Variants in LRFN2 observed in about 807,000 individuals in gnomAD.
LRFN2 encodes the protein leucine rich repeat and fibronectin type III domain containing 2.
LRFN2 carries 18 observed loss-of-function variants against 37.3 expected under a neutral mutation model. The ratio of observed to expected loss-of-function variants is 0.48; its 90% CI spans 0.33 to 0.72. The LOEUF (loss-of-function observed/expected upper bound fraction) is 0.72, where lower values mean the gene tolerates loss of function less well. Ranked by LOEUF, LRFN2 falls within the 30% of genes least tolerant of loss-of-function variation. The probability of loss-of-function intolerance (pLI) is 0.02; values close to 1 mark genes in which losing one functional copy is unlikely to be tolerated. For missense variants in LRFN2, 1,006 were observed against 1,060.7 expected, an observed-to-expected ratio of 0.95 and a Z score of 0.72; for synonymous variants, 556 against 466.6, an observed-to-expected ratio of 1.19 and a Z score of -2.47.
chr6:40,536,288 GAC>G (rs1239276445), intron 1 of LRFN2, among the ~76,000 whole-genome samples: 3 of 152,044 alleles, frequency 2.0e-5, no homozygotes, highest in African/African-American at 7.2e-5. Flanking sequence ...CTCTGAGGGA[GAC>G]ACAGCCCCGT....
chr6:40,392,473 T>C lies in LRFN2; in HGVS notation c.1840A>G (p.Ser614Gly), dbSNP rs1762529628. Residue 614 changes from serine to glycine, a missense_variant, in exon 3 of 3, where the codon AGC becomes GGC. Physicochemically the swap from Ser to Gly is moderately conservative, Grantham distance 56. Coordinates refer to ENST00000338305, the MANE Select transcript of LRFN2 (RefSeq NM_020737.3). The surrounding 1 kb of genome is among the most constrained non-coding windows in gnomAD (Gnocchi z 4.7). Reference protein sequence around the residue: ...VRNELLDFTASLARASDSSSS... With the variant: ...VRNELLDFTAGLARASDSSSS... ...GAGGAGTCACTGGCGCGGGCCAGGC[T>C]GGCGGTGAAGTCCAGGAGCTCGTTG... 3 of 1,570,810 alleles carry C rather than the reference T, an allele frequency of 1.9e-6. No homozygotes were observed. Among genetic ancestry groups the C allele is most frequent in the Non-Finnish European group, 2.6e-6 (3 of 1,158,548 alleles).
At chr6:40,423,191 C>A (rs915985159) in intron 2 of LRFN2, among the ~76,000 whole-genome samples, 6 of 152,226 alleles carry the variant, frequency 3.9e-5, no homozygotes, top group African/African-American at 1.2e-4. Flanking sequence ...TCCTTTGGGT[C>A]TTTCAGAACT....
intron 1 of LRFN2, among the ~76,000 whole-genome samples, chr6:40,495,884 C>T (rs1033521525): frequency 6.6e-6 from 1 of 152,188 alleles, no homozygotes; most frequent in African/African-American, 2.4e-5. Flanking sequence ...CCAGCCCAGC[C>T]CTTTCCTCCA....
intron 2 of LRFN2, among the ~76,000 whole-genome samples, chr6:40,412,063 C>T (rs1762981833): frequency 6.6e-6 from 1 of 152,064 alleles, no homozygotes; most frequent in African/African-American, 2.4e-5. Flanking sequence ...GCTCAATGGT[C>T]GGATATCTAA....
At chr6:40,413,729 G>A (rs1763025166) in intron 2 of LRFN2, among the ~76,000 whole-genome samples, 1 of 152,186 alleles carries the variant, frequency 6.6e-6, no homozygotes, top group Non-Finnish European at 1.5e-5. Flanking sequence ...TGCCTTCAAA[G>A]CAGCCGTGGC....
chr6:40,431,659 C>G (rs891837880), intron 2 of LRFN2, 55 bp downstream of exon 2: 1 of 1,459,306 alleles, frequency 6.9e-7, no homozygotes, highest in African/African-American at 1.4e-5. Flanking sequence ...TCCCCATCCC[C>G]TCCTCCTTCC....
chr6:40,433,260 C>T, intron 1 of LRFN2, 129 bp from the exon 2 acceptor site: 1 of 657,370 alleles, frequency 1.5e-6, no homozygotes, highest in East Asian at 2.9e-5. Flanking sequence ...TCAAGCAAGA[C>T]CTAATCTCTT....
At chr6:40,540,983 T>C (rs1766545115) in intron 1 of LRFN2, among the ~76,000 whole-genome samples, 1 of 152,190 alleles carries the variant, frequency 6.6e-6, no homozygotes, top group Non-Finnish European at 1.5e-5. Context: ...GAAGGACAAG[T>C]GCTTGTGAGC....
chr6:40,473,572 C>T (rs2113858782), intron 1 of LRFN2, among the ~76,000 whole-genome samples: 1 of 152,244 alleles, frequency 6.6e-6, no homozygotes, highest in East Asian at 1.9e-4. Flanking sequence ...ATTATCATCC[C>T]TGTTTTGTTT....
At chr6:40,439,063 T>A (rs1166310560) in intron 1 of LRFN2, among the ~76,000 whole-genome samples, 1 of 151,982 alleles carries the variant, frequency 6.6e-6, no homozygotes, top group Non-Finnish European at 1.5e-5. Context: ...CTCCCCTCAC[T>A]CCCCTCCCTG....
At chr6:40,545,542 G>A (rs1221130118) in intron 1 of LRFN2, among the ~76,000 whole-genome samples, 2 of 152,234 alleles carry the variant, frequency 1.3e-5, no homozygotes, top group East Asian at 1.9e-4. Context: ...ACTGCCTGCA[G>A]TGGAGTGGTG....
intron 2 of LRFN2, among the ~76,000 whole-genome samples, chr6:40,429,486 C>T (rs1763430502): frequency 6.6e-6 from 1 of 152,152 alleles, no homozygotes; most frequent in African/African-American, 2.4e-5. Flanking sequence ...AAAAGGTCAA[C>T]CTCATAAGTT....
chr6:40,460,317 C>T (rs1225733552), intron 1 of LRFN2, among the ~76,000 whole-genome samples: 1 of 152,190 alleles, frequency 6.6e-6, no homozygotes, highest in East Asian at 1.9e-4. Flanking sequence ...GTAGACTCTT[C>T]CCCAGTCCCC....
chr6:40,427,721 G>A (rs142212470), intron 2 of LRFN2, among the ~76,000 whole-genome samples: 404 of 152,326 alleles, frequency 2.7e-3, no homozygotes, highest in African/African-American at 9.3e-3. Flanking sequence ...AGCATGCTAA[G>A]CATTACAGAG....
At chr6:40,421,777 G>T (rs1456845547) in intron 2 of LRFN2, among the ~76,000 whole-genome samples, 1 of 152,140 alleles carries the variant, frequency 6.6e-6, no homozygotes, top group Admixed American at 6.5e-5. Flanking sequence ...TCATTCAATT[G>T]GTTGGTGGGC....
chr6:40,441,198 C>T lies in LRFN2; in HGVS notation c.-18-8067G>A, dbSNP rs186548152. ...TTCACGACCTGGGCTGTGCGGCACTCGCCGTCTGTTGTCTTGAGACACGTG... is the reference window on the plus strand; with the variant it reads ...TTCACGACCTGGGCTGTGCGGCACTTGCCGTCTGTTGTCTTGAGACACGTG... On this transcript the variant is annotated intron_variant, in intron 1 of 2. Coordinates refer to ENST00000338305, the MANE Select transcript of LRFN2 (RefSeq NM_020737.3). Among the ~76,000 whole-genome samples, 531 of 152,258 alleles carry T rather than the reference C, an allele frequency of 3.5e-3. 3 individuals carry two copies. Among genetic ancestry groups the T allele is most frequent in the Admixed American group, 3.8e-3 (58 of 15,302 alleles).
At chr6:40,477,988 TCTC>T (rs1387538142) in intron 1 of LRFN2, among the ~76,000 whole-genome samples, 1 of 152,188 alleles carries the variant, frequency 6.6e-6, no homozygotes, top group African/African-American at 2.4e-5. Context: ...GTTTGTGGCT[TCTC>T]CTCCGTGTCA....
At chr6:40,497,251 A>ACCAGCAAACCACTCCCTGGTTCTCAC (rs1210922102) in intron 1 of LRFN2, among the ~76,000 whole-genome samples, 4 of 152,034 alleles carry the variant, frequency 2.6e-5, no homozygotes, top group African/African-American at 9.7e-5. Context: ...GATGTCCCTT[A>ACCAGCAAACCACTCCCTGGTTCTCAC]CCAGCAAACC....
rs185928376 is a variant in LRFN2, at chr6:40,431,711, C to T, written c.1400+3G>A. The T allele has an allele frequency of 4.7e-6, 7 of 1,503,892 alleles. No individual in the cohort carries two copies. Among genetic ancestry groups the T allele is most frequent in the African/African-American group, 1.4e-5 (1 of 71,576 alleles). 93.2% of individuals were successfully genotyped at this position (1,503,892 alleles called of 1,614,324 possible). A position where few individuals can be genotyped will look rare whatever the true frequency, so the allele number is the denominator to read the frequency against. On this transcript the variant is annotated splice_donor_region_variant and intron_variant, in intron 2 of 2. Coordinates refer to ENST00000338305, the MANE Select transcript of LRFN2 (RefSeq NM_020737.3). The stretch of plus-strand genomic sequence containing the variant: ...CCTGCCTTTGCCACAGCCGCTTGCT[C>T]ACCTGTAAATCAGTACCTCATCGTC...
Sources: allele counts gnomAD v4.1 joint callset (sites outside exome capture counted in the v4.1 genomes callset), GRCh38; gene constraint gnomAD v4.1.1; non-coding constraint Gnocchi (gnomAD v3.1); transcripts MANE v1.5; gene names NCBI Gene and HGNC (gene_info 2026-07-23, HGNC 2026-07-21).